KDM4C: variants seen among roughly 807,000 people sequenced by gnomAD.
KDM4C encodes the protein lysine-specific demethylase 4C.
In KDM4C, 81 loss-of-function variants were observed where a neutral mutation model predicts 129.3. The observed-to-expected ratio is 0.63, with a 90% CI of 0.52 to 0.75. The LOEUF (loss-of-function observed/expected upper bound fraction) is 0.75, where lower values mean the gene tolerates loss of function less well. Ranked by LOEUF, KDM4C falls within the 30% of genes least tolerant of loss-of-function variation. The probability of loss-of-function intolerance (pLI) is 0.00; values close to 1 mark genes in which losing one functional copy is unlikely to be tolerated. For synonymous variants in KDM4C, 573 were observed against 456.1 expected (o/e 1.26, Z -3.26); for missense variants, 1,457 against 1,304.0 (o/e 1.12, Z -1.81).
chr9:6,922,369 T>C (rs1056377132), intron 8 of KDM4C, among the ~76,000 whole-genome samples: 4 of 152,174 alleles, frequency 2.6e-5, no homozygotes, highest in African/African-American at 9.7e-5. Context: ...AGATTTCCTA[T>C]CACAGGTTTC....
chr9:6,734,443 C>T (rs141400769), intron 1 of KDM4C, among the ~76,000 whole-genome samples: 1,560 of 151,846 alleles, frequency 0.01, 24 homozygotes, highest in African/African-American at 0.036. Flanking sequence ...TACAGGCATG[C>T]GCCACCACGC....
chr9:6,915,199 T>C (rs2131128706), intron 8 of KDM4C, among the ~76,000 whole-genome samples: 1 of 152,378 alleles, frequency 6.6e-6, no homozygotes, highest in South Asian at 2.1e-4. Context: ...CCCTATATTG[T>C]CTTATTGGTA....
At chr9:7,084,034 G>C (rs1297707111) in intron 17 of KDM4C, among the ~76,000 whole-genome samples, 1 of 152,132 alleles carries the variant, frequency 6.6e-6, no homozygotes, top group African/African-American at 2.4e-5. Flanking sequence ...GGGCAGTCAA[G>C]GCTCTGGGTA....
intron 8 of KDM4C, among the ~76,000 whole-genome samples, chr9:6,953,655 G>A (rs1563876481): frequency 2.0e-5 from 3 of 152,172 alleles, no homozygotes; most frequent in Non-Finnish European, 2.9e-5. Flanking sequence ...ACCAATTCAT[G>A]TGGACCTTTT....
chr9:7,060,991 T>C (rs1831582845), intron 17 of KDM4C, among the ~76,000 whole-genome samples: 1 of 152,186 alleles, frequency 6.6e-6, no homozygotes, highest in Admixed American at 6.5e-5. Context: ...TATCTCTCAA[T>C]CTGTCCGCCC....
At chr9:6,802,347 A>G (rs1215877300) in intron 2 of KDM4C, among the ~76,000 whole-genome samples, 1 of 152,190 alleles carries the variant, frequency 6.6e-6, no homozygotes, top group Admixed American at 6.5e-5. Flanking sequence ...AGTTGGCAAT[A>G]TCTATGAAAT....
intron 8 of KDM4C, among the ~76,000 whole-genome samples, chr9:6,927,404 A>G (rs565661157): frequency 6.6e-6 from 1 of 152,278 alleles, no homozygotes; most frequent in South Asian, 2.1e-4. Context: ...TGCTGGGATT[A>G]TAGGTGTGAG....
At chr9:7,087,649 T>C (rs999245381) in intron 17 of KDM4C, among the ~76,000 whole-genome samples, 1 of 152,196 alleles carries the variant, frequency 6.6e-6, no homozygotes, top group African/African-American at 2.4e-5. Flanking sequence ...GTTAAAATTC[T>C]GGAGGGAAAG....
intron 8 of KDM4C, among the ~76,000 whole-genome samples, chr9:6,928,794 C>A (rs894191213): frequency 6.6e-6 from 1 of 152,186 alleles, no homozygotes; most frequent in Admixed American, 6.5e-5. Flanking sequence ...CCCCTTGGCT[C>A]TGTCTTCCTC....
intron 17 of KDM4C, among the ~76,000 whole-genome samples, chr9:7,102,928 T>C (rs1449108939): frequency 1.3e-5 from 2 of 152,236 alleles, no homozygotes; most frequent in Admixed American, 6.5e-5. Flanking sequence ...CTATCTCTCA[T>C]AACAAATGTA....
At chr9:6,913,756 T>C (rs1056600197) in intron 8 of KDM4C, among the ~76,000 whole-genome samples, 9 of 152,242 alleles carry the variant, frequency 5.9e-5, no homozygotes, top group Non-Finnish European at 1.0e-4. Flanking sequence ...AATCACAAAA[T>C]TCCCAGATGA....
intron 5 of KDM4C, among the ~76,000 whole-genome samples, chr9:6,879,244 T>C (rs189541112): frequency 6.6e-6 from 1 of 152,322 alleles, no homozygotes; most frequent in Admixed American, 6.5e-5. Context: ...CCTCATTAAA[T>C]TTCCTCATTA....
chr9:7,057,388 C>T (rs933968102), intron 17 of KDM4C, among the ~76,000 whole-genome samples: 1 of 152,220 alleles, frequency 6.6e-6, no homozygotes, highest in African/African-American at 2.4e-5. Flanking sequence ...CTATATCATG[C>T]TTTAGATCAC....
intron 18 of KDM4C, chr9:7,104,139 C>A (rs982616628): frequency 7.5e-6 from 3 of 400,276 alleles, no homozygotes; most frequent in Non-Finnish European, 1.4e-5. Flanking sequence ...ACTCTCCATG[C>A]CTGTTCTGGT....
At chr9:6,888,170 G>A (rs1845569829) in intron 7 of KDM4C, 107 bp downstream of exon 7, 1 of 502,612 alleles carries the variant, frequency 2.0e-6, no homozygotes, top group South Asian at 3.3e-5. Flanking sequence ...TGTGGGTAGA[G>A]AAATTCAAAT....
In KDM4C at chr9:6,725,770, T is replaced by G. The variant is rs1008127744; in HGVS notation, c.49+4773T>G. Among the ~76,000 whole-genome samples, 689 of 136,356 alleles carry G rather than the reference T, an allele frequency of 5.1e-3. 6 individuals are homozygous for G. Among genetic ancestry groups the G allele is most frequent in the African/African-American group, 0.018 (647 of 36,308 alleles). 89.5% of individuals were successfully genotyped at this position (136,356 alleles called of 152,430 possible). On this transcript the variant is annotated intron_variant, in intron 1 of 17. Coordinates refer to the KDM4C transcript ENST00000536108. ...TGTTGCCCAGGCTGGAGTGCAGTGG[T>G]GCGATCTCGGCTCACTGCAACCTCC...
rs1587087175 is a variant in KDM4C, at chr9:7,033,455, G to T, written c.2260-13407G>T. On this transcript the variant is annotated intron_variant, in intron 15 of 21. Coordinates refer to ENST00000381309, the MANE Select transcript of KDM4C (RefSeq NM_015061.6). ...TGGCAGATTATTCTGAATTGCTGCAGACTTAAACCTTGGCCTGCAAAGGCC... is the reference window on the plus strand; with the variant it reads ...TGGCAGATTATTCTGAATTGCTGCATACTTAAACCTTGGCCTGCAAAGGCC... Among the ~76,000 whole-genome samples the T allele has an allele frequency of 2.0e-5, 3 of 152,150 alleles. No individual in the cohort carries two copies. The East Asian group carries it at 5.8e-4, about 29-fold the overall frequency.
intron 1 of KDM4C, among the ~76,000 whole-genome samples, chr9:6,759,009 G>C (rs893947794): frequency 6.7e-6 from 1 of 148,996 alleles, no homozygotes; most frequent in Non-Finnish European, 1.5e-5. Flanking sequence ...TTTGCTGCGC[G>C]GTGCAAGCCT....
chr9:7,047,070 T>C (rs1433626952), intron 16 of KDM4C, among the ~76,000 whole-genome samples, 153 bp downstream of exon 16: 1 of 152,060 alleles, frequency 6.6e-6, no homozygotes, highest in African/African-American at 2.4e-5. Flanking sequence ...TTCAGAGACT[T>C]CTACTGTTTG....
Sources: allele counts gnomAD v4.1 joint callset (sites outside exome capture counted in the v4.1 genomes callset), GRCh38; gene constraint gnomAD v4.1.1; transcripts MANE v1.5; gene names NCBI Gene and HGNC (gene_info 2026-07-23, HGNC 2026-07-21).